The following NSD2 variants were observed in gnomAD, a reference collection of about 807,000 sequenced individuals.
The protein encoded by NSD2 is histone-lysine N-methyltransferase NSD2.
In NSD2, 12 loss-of-function variants were observed where a neutral mutation model predicts 139.0. The ratio of observed to expected loss-of-function variants is 0.09; its 90% CI spans 0.06 to 0.14. The LOEUF (loss-of-function observed/expected upper bound fraction) is 0.14, where lower values mean the gene tolerates loss of function less well. Among genes scored for constraint, NSD2 ranks in the 10% least tolerant of loss-of-function variants. NSD2 has a pLI of 1.00. For synonymous variants in NSD2, 669 were observed against 648.7 expected, an observed-to-expected ratio of 1.03 and a Z score of -0.48; for missense variants, 1,155 against 1,745.0, an observed-to-expected ratio of 0.66 and a Z score of 6.02.
At chr4:1,883,631 CAAAA>C (rs558413845) in intron 1 of NSD2, among the ~76,000 whole-genome samples, 4 of 74,142 alleles carry the variant, frequency 5.4e-5, no homozygotes, top group East Asian at 7.9e-4. Flanking sequence ...ACTTTGTTTC[CAAAA>C]AAAAAAAAAA....
rs1270120892 is a variant in NSD2, at chr4:1,955,545, C to T, written c.2519-148C>T. On this transcript the variant is annotated intron_variant, in intron 13 of 21. Transcript: ENST00000508803. The surrounding 1 kb of genome is among the most constrained non-coding windows in gnomAD (Gnocchi z 4.7). ...AGGAAATTATTTGTGGTGAAAATGA[C>T]ATTTGCTCTCGTGCTGATGTACAGA... The T allele has an allele frequency of 8.9e-6, 11 of 1,233,826 alleles. No individual in the cohort carries two copies. Among genetic ancestry groups the T allele is most frequent in the Non-Finnish European group, 1.2e-5 (11 of 915,676 alleles). The allele number at this position is 1,233,826 out of a possible 1,614,324, so 76.4% of individuals were successfully genotyped here. A position where few individuals can be genotyped will look rare whatever the true frequency, so the allele number is the denominator to read the frequency against.
At chr4:1,977,486 C>G (rs1279423704) in intron 21 of NSD2, among the ~76,000 whole-genome samples, 6 of 152,128 alleles carry the variant, frequency 3.9e-5, no homozygotes. Flanking sequence ...AACAAGAAAC[C>G]CAAAAGAGGC....
intron 5 of NSD2, among the ~76,000 whole-genome samples, chr4:1,921,760 CA>C (rs1720160355): frequency 1.6e-5 from 2 of 127,260 alleles, no homozygotes; most frequent in South Asian, 4.8e-4. Flanking sequence ...CCAGCCTGGG[CA>C]ACACAGCAAG....
At chr4:1,894,027 C>T (rs1715902723) in intron 1 of NSD2, 1 of 152,270 alleles carries the variant, frequency 6.6e-6, no homozygotes, top group Non-Finnish European at 1.5e-5. Context: ...AATTCTTAGG[C>T]TTAAGTGATC....
At chr4:1,954,533 G>A (rs1724611888) in intron 12 of NSD2, 2 of 151,846 alleles carry the variant, frequency 1.3e-5, no homozygotes, top group Admixed American at 1.3e-4. Context: ...TTATTTTTTT[G>A]TAGAGACGAG....
chr4:1,874,561 G>A (rs1389312126), intron 1 of NSD2, among the ~76,000 whole-genome samples: 1 of 152,256 alleles, frequency 6.6e-6, no homozygotes, highest in South Asian at 2.1e-4. Context: ...TTTTAATGCC[G>A]ATATCTGGCC....
rs78158789 is a variant in NSD2, at chr4:1,930,810, A to C, written c.1555+40A>C. ...ATGCTGATGTCCTCTGCTTGGGTTG[A>C]TGTGTGTAGTGTAGCAAGCTGAGCT... On this transcript the variant is annotated intron_variant, in intron 6 of 21. Transcript: ENST00000508803. The C allele has an allele frequency of 1.3e-4, 214 of 1,593,900 alleles. 1 individual carries two copies. The East Asian group carries it at 4.4e-3, about 33-fold the overall frequency.
chr4:1,952,358 C>G (rs1163464662), intron 11 of NSD2, 127 bp downstream of exon 11: 1 of 1,389,932 alleles, frequency 7.2e-7, no homozygotes. Flanking sequence ...CCGCCTGGCC[C>G]TCTCTGGAGC....
chr4:1,918,674 A>G (rs1333088548), intron 5 of NSD2, 51 bp downstream of exon 5: 1 of 1,599,744 alleles, frequency 6.3e-7, no homozygotes, highest in Non-Finnish European at 8.5e-7. Context: ...TTTGAGGAAC[A>G]TCCCTTCAGT....
Position 1,942,273 on chromosome 4 carries a change from T to C in NSD2, c.1881+2495T>C. 1 of 1,594,504 alleles carries C rather than the reference T, an allele frequency of 6.3e-7. No homozygotes were observed. The highest frequency in any genetic ancestry group is 8.5e-7 in the Non-Finnish European group (1 of 1,172,866). ...AGGAATTAATGTGATTTAAGTGTTT[T>C]GTAACTTCATTTTTTATTCCTTTAG... is the stretch of plus-strand genomic sequence containing the variant. On this transcript the variant is annotated intron_variant, in intron 9 of 21. Transcript: ENST00000508803. This position sits in a 1 kb window ranked among gnomAD's most constrained non-coding sequence, Gnocchi z 4.0.
intron 5 of NSD2, among the ~76,000 whole-genome samples, chr4:1,928,687 A>G (rs1423446578): frequency 6.6e-6 from 1 of 151,642 alleles, no homozygotes; most frequent in Non-Finnish European, 1.5e-5. Context: ...GGACACTGTT[A>G]GCATTCATCC....
intron 18 of NSD2, among the ~76,000 whole-genome samples, chr4:1,964,751 T>A (rs1349638590): frequency 6.6e-6 from 1 of 152,154 alleles, no homozygotes; most frequent in Non-Finnish European, 1.5e-5. Context: ...TTTTCTCTTT[T>A]TCCCCTTTTG....
At chr4:1,923,519 C>T (rs1577450506) in intron 5 of NSD2, among the ~76,000 whole-genome samples, 1 of 152,114 alleles carries the variant, frequency 6.6e-6, no homozygotes, top group African/African-American at 2.4e-5. Flanking sequence ...TGGTCCTTCA[C>T]AGTCATCCTT....
chr4:1,918,429 T>C lies in NSD2; in HGVS notation c.1216T>C (p.Cys406Arg). 2 of 1,614,064 alleles carry C rather than the reference T, an allele frequency of 1.2e-6. No homozygotes were observed. Among genetic ancestry groups the C allele is most frequent in the Non-Finnish European group, 1.7e-6 (2 of 1,180,022 alleles). The change falls in exon 5 of 22, where the codon TGT (cysteine) becomes CGT (arginine). Residue 406 changes from cysteine (C) to arginine (R), a missense_variant. Cys to Arg is a radical substitution (Grantham distance 180, BLOSUM62 -3). Coordinates refer to ENST00000508803, the MANE Select transcript of NSD2 (RefSeq NM_001042424.3). ...GAAGAGAAGGCGGAGGGCCAAACTG[T>C]GTAGCTCTGCAGAGACCCTGGAGAG... Reference protein sequence around the residue: ...PMKRRRRAKLCSSAETLESHP... With the variant: ...PMKRRRRAKLRSSAETLESHP...
Position 1,978,768 on chromosome 4 carries a change from G to A in NSD2, c.3957G>A (p.Gly1319=), listed in dbSNP as rs748254650. Residue 1319 remains glycine (G), a synonymous_variant, in exon 22 of 22, where the codon GGG becomes GGA. Transcript: ENST00000508803. ...CAGCCTTCAGCTGCACCCCGGACGGGCGGTCCTACTGCTGTGAGCATGACT... is the reference window on the plus strand; with the variant it reads ...CAGCCTTCAGCTGCACCCCGGACGGACGGTCCTACTGCTGTGAGCATGACT... ...DGTAFSCTPD[G]RSYCCEHDLG... is the part of the protein sequence containing the mutation. 1.2e-6 allele frequency: 2 copies of A among 1,614,090 alleles called. No individual in the cohort carries two copies. Among genetic ancestry groups the A allele is most frequent in the Admixed American group, 1.7e-5 (1 of 60,022 alleles).
chr4:1,888,062 A>T (rs1432327103), intron 1 of NSD2, among the ~76,000 whole-genome samples: 2 of 151,964 alleles, frequency 1.3e-5, no homozygotes, highest in Non-Finnish European at 2.9e-5. Context: ...GTTTACCTTC[A>T]TGTTTGGTGA....
chr4:1,941,907 G>A, intron 9 of NSD2: 1 of 1,070,812 alleles, frequency 9.3e-7, no homozygotes, highest in Non-Finnish European at 1.1e-6. Context: ...GCAAAGTGTA[G>A]TGTTATAAAA....
chr4:1,932,741 G>A lies in NSD2; in HGVS notation c.1555+1971G>A, dbSNP rs566632628. 2.6e-4 allele frequency among the ~76,000 whole-genome samples: 40 copies of A among 152,244 alleles called. 2 individuals are homozygous for A. The South Asian group carries it at 4.8e-3, about 18-fold the overall frequency. On this transcript the variant is annotated intron_variant, in intron 6 of 21. Transcript: ENST00000508803. Reference sequence around the variant, plus strand: ...AGCCAATGGAATGGCCAACAGGAGCGAAACTCCATCTCAAAAAAAATGAAA... The same window carrying A: ...AGCCAATGGAATGGCCAACAGGAGCAAAACTCCATCTCAAAAAAAATGAAA...
chr4:1,924,209 G>A (rs1477853616), intron 5 of NSD2, among the ~76,000 whole-genome samples: 1 of 152,182 alleles, frequency 6.6e-6, no homozygotes, highest in Non-Finnish European at 1.5e-5. Context: ...AAAGTAATCA[G>A]CAATGTGTGT....
Sources: gnomAD v4.1 joint callset for allele counts (sites outside exome capture counted in the v4.1 genomes callset) on GRCh38, gnomAD v4.1.1 for gene constraint, Gnocchi (gnomAD v3.1) non-coding constraint, MANE v1.5 for transcripts, NCBI Gene and HGNC (gene_info 2026-07-23, HGNC 2026-07-21) for gene names.